The following PCDHGA1 variants were observed in gnomAD, a reference collection of about 807,000 sequenced individuals.
PCDHGA1 encodes the protein protocadherin gamma-A1.
Under a neutral mutation model 58.0 loss-of-function variants are expected in PCDHGA1, and 32 were observed. The ratio of observed to expected loss-of-function variants is 0.55; its 90% CI spans 0.42 to 0.74. PCDHGA1 has a LOEUF of 0.74. Among genes scored for constraint, PCDHGA1 ranks in the 30% least tolerant of loss-of-function variants. The probability of loss-of-function intolerance (pLI) is 0.00; values close to 1 mark genes in which losing one functional copy is unlikely to be tolerated. For synonymous variants in PCDHGA1, 498 were observed against 501.1 expected (o/e 0.99, Z 0.08); for missense variants, 1,205 against 1,182.3 (o/e 1.02, Z -0.28).
At chr5:141,397,842 G>T (rs7703108) in intron 1 of PCDHGA1, 79,958 of 516,008 alleles carry the variant, frequency 0.15, 7,302 homozygotes, top group African/African-American at 0.31. Flanking sequence ...ACTTGAAGCC[G>T]CAGAGGCTGT....
At chr5:141,391,211 A>C (rs2092317474) in intron 1 of PCDHGA1, 1 of 152,220 alleles carries the variant, frequency 6.6e-6, no homozygotes, top group African/African-American at 2.4e-5. Flanking sequence ...AATACCAAGG[A>C]ACATTATATG....
Position 141,394,271 on chromosome 5 carries a change from G to C in PCDHGA1, c.2421+61166G>C, listed in dbSNP as rs768847661. The stretch of plus-strand genomic sequence containing the variant: ...ACCCCGACAGCCAGGAGAATGCCCA[G>C]GTCACTTACTCTGTGACCGAGGACA... On this transcript the variant is annotated intron_variant, in intron 1 of 3. Transcript: ENST00000517417. 9 of 1,613,862 alleles carry C rather than the reference G, an allele frequency of 5.6e-6. No individual in the cohort carries two copies. In the South Asian group the frequency reaches 9.9e-5, roughly 18 times the overall value.
chr5:141,426,865 T>G (rs2096965950), intron 1 of PCDHGA1: 1 of 456,600 alleles, frequency 2.2e-6, no homozygotes, highest in African/African-American at 2.0e-5. Flanking sequence ...GAATTAGTGC[T>G]GGAGAAGCCC....
intron 1 of PCDHGA1, chr5:141,419,739 G>T: frequency 6.2e-7 from 1 of 1,613,770 alleles, no homozygotes; most frequent in South Asian, 1.1e-5. Context: ...GGCGAGGTGC[G>T]CATGGTGCGT....
At chr5:141,408,901 G>T (rs529239605) in intron 1 of PCDHGA1, 2 of 1,613,100 alleles carry the variant, frequency 1.2e-6, no homozygotes, top group African/African-American at 2.7e-5. Flanking sequence ...TTTCTGTCAA[G>T]GATACCAATG....
intron 1 of PCDHGA1, chr5:141,345,696 C>A (rs1399194507): frequency 1.9e-6 from 3 of 1,614,108 alleles, no homozygotes. Context: ...CGTGCTGGAC[C>A]AGAACGACAA....
In PCDHGA1 at chr5:141,476,933, GA is replaced by G; in HGVS notation, c.2422-17872del. 1 of 1,614,176 alleles carries G rather than the reference GA, an allele frequency of 6.2e-7. No individual in the cohort carries two copies. Reference sequence around the variant, plus strand: ...ACAAGTCCTTGCAACGGATCTGGATGAAGGCCCCAACGGTGAAATTATTTAC... The same window carrying G: ...ACAAGTCCTTGCAACGGATCTGGATGAGGCCCCAACGGTGAAATTATTTAC... On this transcript the variant is annotated intron_variant, in intron 1 of 3. Transcript: ENST00000517417. This position sits in a 1 kb window ranked among gnomAD's most constrained non-coding sequence, Gnocchi z 7.6.
Position 141,493,554 on chromosome 5 carries a change from G to A in PCDHGA1, c.2422-1253G>A, listed in dbSNP as rs2099748882. The stretch of plus-strand genomic sequence containing the variant: ...GGCCAGTTATCCTTTTGGAGATTGA[G>A]TTCCCCCAGCTCCGTTTCCTCCTAT... On this transcript the variant is annotated intron_variant, in intron 1 of 3. Coordinates refer to ENST00000517417, the MANE Select transcript of PCDHGA1 (RefSeq NM_018912.3). The surrounding 1 kb of genome is among the most constrained non-coding windows in gnomAD (Gnocchi z 4.3). 6.6e-6 allele frequency among the ~76,000 whole-genome samples: 1 copy of A among 152,166 alleles called. No homozygotes were observed. Among genetic ancestry groups the A allele is most frequent in the Admixed American group, 6.5e-5 (1 of 15,282 alleles).
Position 141,502,866 on chromosome 5 carries a change from C to CTTTTTTTTTTTTTT in PCDHGA1, c.2481-2526_2481-2513dup, listed in dbSNP as rs549047197. Among the ~76,000 whole-genome samples the CTTTTTTTTTTTTTT allele has an allele frequency of 1.6e-4, 20 of 128,024 alleles. 4 individuals are homozygous for CTTTTTTTTTTTTTT. The highest frequency in any genetic ancestry group is 2.6e-4 in the Admixed American group (3 of 11,660). 84.0% of individuals were successfully genotyped at this position (128,024 alleles called of 152,430 possible). A position where few individuals can be genotyped will look rare whatever the true frequency, so the allele number is the denominator to read the frequency against. The stretch of plus-strand genomic sequence containing the variant: ...GAGCTGCCTAACCCTGACTCTCTGT[C>CTTTTTTTTTTTTTT]TTTTTTTTTTTTTTGACAGGGAGTC... On this transcript the variant is annotated intron_variant, in intron 2 of 3. Transcript: ENST00000517417.
chr5:141,486,987 G>C lies in PCDHGA1; in HGVS notation c.2422-7820G>C, dbSNP rs1327158531. ...GACTTGGATTCAGGTTACAATGCTTGGGTTTCCTATCAGCTCCTGGAGGCC... is the reference window on the plus strand; with the variant it reads ...GACTTGGATTCAGGTTACAATGCTTCGGTTTCCTATCAGCTCCTGGAGGCC... On this transcript the variant is annotated intron_variant, in intron 1 of 3. Transcript: ENST00000517417. The surrounding 1 kb of genome is among the most constrained non-coding windows in gnomAD (Gnocchi z 5.0). The C allele has an allele frequency of 6.2e-7, 1 of 1,614,144 alleles. No homozygotes were observed. Among genetic ancestry groups the C allele is most frequent in the Admixed American group, 1.7e-5 (1 of 60,020 alleles).
chr5:141,417,805 G>T, intron 1 of PCDHGA1: 1 of 1,499,292 alleles, frequency 6.7e-7, no homozygotes. Flanking sequence ...TAGCGCGGTA[G>T]AGTGCACTTT....
chr5:141,419,700 C>T, intron 1 of PCDHGA1: 2 of 1,612,974 alleles, frequency 1.2e-6, no homozygotes, highest in Non-Finnish European at 1.7e-6. Context: ...GCCAGTGAGC[C>T]CGGGCTCTTC....
chr5:141,463,574 G>A (rs942457606), intron 1 of PCDHGA1, among the ~76,000 whole-genome samples: 1 of 146,978 alleles, frequency 6.8e-6, no homozygotes, highest in Non-Finnish European at 1.5e-5. Flanking sequence ...TCAGCCTCCC[G>A]AGTAGCTGGG....
Position 141,477,114 on chromosome 5 carries a change from G to C in PCDHGA1, c.2422-17693G>C. ...AAAGACAAGGGCGCCAATCCCGAAG[G>C]AGCACATTGCAAAGTGTTGGTGGAG... is the stretch of plus-strand genomic sequence containing the variant. On this transcript the variant is annotated intron_variant, in intron 1 of 3. Coordinates refer to ENST00000517417, the MANE Select transcript of PCDHGA1 (RefSeq NM_018912.3). This position sits in a 1 kb window ranked among gnomAD's most constrained non-coding sequence, Gnocchi z 4.9. 4.3e-6 allele frequency: 7 copies of C among 1,614,234 alleles called. No homozygotes were observed. Among genetic ancestry groups the C allele is most frequent in the Non-Finnish European group, 5.9e-6 (7 of 1,180,046 alleles).
rs747585516 is a variant in PCDHGA1, at chr5:141,409,120, A to G, written c.2421+76015A>G. ...CAGGTATGATTAAGAATAACCAGTC[A>G]TTTGATTTTGAAGATGTAGAAAGGT... On this transcript the variant is annotated intron_variant, in intron 1 of 3. Transcript: ENST00000517417. 6 of 1,613,844 alleles carry G rather than the reference A, an allele frequency of 3.7e-6. No homozygotes were observed. The African/African-American group carries it at 8.0e-5, about 22-fold the overall frequency.
chr5:141,495,943 CTGT>C (rs1324780860), intron 2 of PCDHGA1, among the ~76,000 whole-genome samples: 1 of 152,010 alleles, frequency 6.6e-6, no homozygotes, highest in Non-Finnish European at 1.5e-5. Flanking sequence ...GTCTCTGTGC[CTGT>C]TGTCTTTTTC....
intron 1 of PCDHGA1, among the ~76,000 whole-genome samples, chr5:141,484,740 GA>G (rs1047805396): frequency 6.6e-6 from 1 of 150,760 alleles, no homozygotes; most frequent in Non-Finnish European, 1.5e-5. Context: ...GGTGTGTTAG[GA>G]AAAAAAATGT....
chr5:141,484,994 G>A (rs1257915410), intron 1 of PCDHGA1: 4 of 610,330 alleles, frequency 6.6e-6, no homozygotes, highest in Non-Finnish European at 1.2e-5. Context: ...GGTGGTGAAA[G>A]GCAGACAAAT....
Position 141,485,563 on chromosome 5 carries a change from C to T in PCDHGA1, c.2422-9244C>T, listed in dbSNP as rs746689576. The T allele has an allele frequency of 1.2e-5, 19 of 1,612,904 alleles. No homozygotes were observed. In the South Asian group the frequency reaches 1.6e-4, roughly 14 times the overall value. ...AGATCGTAGATGTGAATGATCACGCCCCCCGTTTTCCGCGGCAGCAGCTGG... is the reference window on the plus strand; with the variant it reads ...AGATCGTAGATGTGAATGATCACGCTCCCCGTTTTCCGCGGCAGCAGCTGG... On this transcript the variant is annotated intron_variant, in intron 1 of 3. Coordinates refer to ENST00000517417, the MANE Select transcript of PCDHGA1 (RefSeq NM_018912.3). This position sits in a 1 kb window ranked among gnomAD's most constrained non-coding sequence, Gnocchi z 5.7.
Sources: gnomAD v4.1 joint callset for allele counts (sites outside exome capture counted in the v4.1 genomes callset) on GRCh38, gnomAD v4.1.1 for gene constraint, Gnocchi (gnomAD v3.1) non-coding constraint, MANE v1.5 for transcripts, NCBI Gene and HGNC (gene_info 2026-07-23, HGNC 2026-07-21) for gene names.